The following SLC7A9 variants were observed in gnomAD, a reference collection of about 807,000 sequenced individuals.
The protein encoded by SLC7A9 is solute carrier family 7 member 9, also known as B(0,+)-type amino acid transporter 1.
A neutral mutation model predicts 54.1 loss-of-function variants in SLC7A9; 38 were observed. The ratio of observed to expected loss-of-function variants is 0.70; its 90% confidence interval spans 0.54 to 0.92. SLC7A9 has a LOEUF of 0.92. SLC7A9 is among the 40% of genes least tolerant of loss of function. The probability of loss-of-function intolerance (pLI) is 0.00; values close to 1 mark genes in which losing one functional copy is unlikely to be tolerated. For synonymous variants in SLC7A9, 264 were observed against 258.9 expected (o/e 1.02, Z -0.19); for missense variants, 537 against 636.1 (o/e 0.84, Z 1.68).
intron 9 of SLC7A9, among the ~76,000 whole-genome samples, chr19:32,845,181 TAA>T (rs1568518003): frequency 7.8e-6 from 1 of 128,472 alleles, no homozygotes; most frequent in African/African-American, 3.1e-5. Context: ...TAAAAATAAA[TAA>T]GAGGAGAAGA....
At chr19:32,837,036 C>T (rs372774782) in intron 11 of SLC7A9, among the ~76,000 whole-genome samples, 215 of 151,136 alleles carry the variant, frequency 1.4e-3, no homozygotes, top group African/African-American at 5.1e-3. Context: ...GGAGTAAGCC[C>T]GTTTATTCAT....
intron 9 of SLC7A9, among the ~76,000 whole-genome samples, chr19:32,854,580 A>G (rs1365193828): frequency 1.3e-5 from 2 of 151,936 alleles, no homozygotes; most frequent in Non-Finnish European, 2.9e-5. Context: ...GGTCTGGGCA[A>G]TGATTTTTTG....
rs1245214724 is a variant in SLC7A9 at position 32,847,397 on chromosome 19, C to T, written c.978-3446G>A. Reference sequence around the variant, plus strand: ...AGAACTACGTGAAGAATGCAGAAGCCTCAGGAGCCGATGCGATCAACTGGA... The same window carrying T: ...AGAACTACGTGAAGAATGCAGAAGCTTCAGGAGCCGATGCGATCAACTGGA... On this transcript the variant is annotated intron_variant, in intron 9 of 12. Transcript: ENST00000023064. Among the ~76,000 whole-genome samples the T allele has an allele frequency of 2.0e-5, 3 of 152,226 alleles. No homozygotes were observed. The East Asian group carries it at 5.8e-4, about 29-fold the overall frequency.
chr19:32,833,887 ATG>A (rs1967880772), intron 11 of SLC7A9, among the ~76,000 whole-genome samples: 1 of 152,160 alleles, frequency 6.6e-6, no homozygotes, highest in Non-Finnish European at 1.5e-5. Flanking sequence ...GGTTTGCAAA[ATG>A]GTGATTTTTC....
At chr19:32,854,799 T>C (rs1968569979) in intron 9 of SLC7A9, among the ~76,000 whole-genome samples, 1 of 151,926 alleles carries the variant, frequency 6.6e-6, no homozygotes, top group African/African-American at 2.4e-5. Flanking sequence ...TGTTGGCCAG[T>C]TTGGTCTCGA....
At position 32,841,957 on chromosome 19, in the gene SLC7A9, G is replaced by A. The variant is rs536357318; in HGVS notation, c.1224+211C>T. ...TCTTTGGTTACAGAGACGGGCCACA[G>A]GTATTCGTGATGACTTAATAAAATG... On this transcript the variant is annotated intron_variant, in intron 11 of 12. Transcript: ENST00000023064. Among the ~76,000 whole-genome samples the A allele has an allele frequency of 5.3e-5, 8 of 152,272 alleles. No homozygotes were observed. The South Asian group carries it at 1.7e-3, about 32-fold the overall frequency.
At chr19:32,848,539 C>G (rs1968369397) in intron 9 of SLC7A9, among the ~76,000 whole-genome samples, 2 of 152,090 alleles carry the variant, frequency 1.3e-5, no homozygotes. Flanking sequence ...TAAAGCAAGT[C>G]CTTAGTGACC....
chr19:32,841,252 G>GT (rs965405305), intron 11 of SLC7A9, among the ~76,000 whole-genome samples: 7 of 151,926 alleles, frequency 4.6e-5, no homozygotes, highest in Admixed American at 1.3e-4. Flanking sequence ...TAAATAGCAG[G>GT]TTTTTTTTAA....
intron 2 of SLC7A9, 119 bp downstream of exon 2, chr19:32,868,329 C>A: frequency 1.4e-6 from 1 of 720,280 alleles, no homozygotes; most frequent in South Asian, 1.4e-5. Flanking sequence ...CTTCACAAAT[C>A]AAAGAGTACA....
At chr19:32,858,362 A>T in intron 9 of SLC7A9, 78 bp downstream of exon 9, 1 of 1,001,150 alleles carries the variant, frequency 1.0e-6, no homozygotes, top group Non-Finnish European at 1.6e-6. Flanking sequence ...TGAGGATTTT[A>T]GCTGTGTGTC....
At chr19:32,852,636 T>A (rs1200438656) in intron 9 of SLC7A9, among the ~76,000 whole-genome samples, 1 of 152,198 alleles carries the variant, frequency 6.6e-6, no homozygotes. Context: ...TGAATTGATA[T>A]GAACTTGATA....
rs1399752462 is a variant in SLC7A9, at chr19:32,869,494, G to A, written c.-112+192C>T. 3.9e-5 allele frequency among the ~76,000 whole-genome samples: 6 copies of A among 152,158 alleles called. No homozygotes were observed. In the East Asian group the frequency reaches 1.2e-3, roughly 29 times the overall value. On this transcript the variant is annotated intron_variant, in intron 1 of 12. Transcript: ENST00000023064. ...CCCAAAGGGCTGGGATTTCAGGGGTGAGCCACCACGCCTGGCCAGGTACTT... is the reference window on the plus strand; with the variant it reads ...CCCAAAGGGCTGGGATTTCAGGGGTAAGCCACCACGCCTGGCCAGGTACTT...
intron 12 of SLC7A9, among the ~76,000 whole-genome samples, chr19:32,832,352 C>T (rs1260039055): frequency 2.0e-5 from 3 of 150,260 alleles, no homozygotes; most frequent in African/African-American, 7.4e-5. Flanking sequence ...TTTGGGAGGC[C>T]GAGGTGGGTG....
intron 5 of SLC7A9, 63 bp from the exon 6 acceptor site, chr19:32,862,280 C>T (rs982827231): frequency 3.7e-5 from 54 of 1,462,572 alleles, no homozygotes; most frequent in Middle Eastern, 1.7e-4. Context: ...TGTATCTCCA[C>T]GGGAAAGATG....
rs11084673 is a variant in SLC7A9, at chr19:32,862,558, G to A, written c.507C>T (p.Ser169=). ...ILFISTVNSL[S]VRLGSYVQNI... Reference sequence around the variant, plus strand: ...TCTGGACGTAGCTTCCCAGCCGCACGCTCAGTGAGTTCACTGTCGAGATGA... The same window carrying A: ...TCTGGACGTAGCTTCCCAGCCGCACACTCAGTGAGTTCACTGTCGAGATGA... Residue 169 remains serine (S), a synonymous_variant, in exon 5 of 13, where the codon AGC becomes AGT. Coordinates refer to ENST00000023064, the MANE Select transcript of SLC7A9 (RefSeq NM_014270.5). The A allele has an allele frequency of 0.33, 527,246 of 1,613,458 alleles. 88,141 individuals are homozygous for A. The highest frequency in any genetic ancestry group is 0.36 in the Middle Eastern group (2,118 of 5,934).
chr19:32,863,599 G>A (rs1004521370), intron 4 of SLC7A9, among the ~76,000 whole-genome samples: 32 of 152,088 alleles, frequency 2.1e-4, no homozygotes, highest in African/African-American at 6.7e-4. Flanking sequence ...GGCCTCAAGC[G>A]ATCCTCCCAC....
chr19:32,868,803 GCTCT>G (rs1255851598), intron 1 of SLC7A9, among the ~76,000 whole-genome samples, 158 bp from the exon 2 acceptor site: 1 of 152,146 alleles, frequency 6.6e-6, no homozygotes, highest in Non-Finnish European at 1.5e-5. Flanking sequence ...TGCTTGCTTA[GCTCT>G]CTCCCAGACA....
intron 9 of SLC7A9, among the ~76,000 whole-genome samples, chr19:32,845,063 C>G (rs562892189): frequency 1.3e-5 from 2 of 151,934 alleles, no homozygotes; most frequent in East Asian, 3.9e-4. Context: ...GCTTAGGAGG[C>G]TGAGGCAGGA....
At chr19:32,860,214 T>A in intron 7 of SLC7A9, 1 of 1,450,226 alleles carries the variant, frequency 6.9e-7, no homozygotes. Context: ...GAGCCACTGC[T>A]CTGTCCCAAA....
Sources: gnomAD v4.1 joint callset for allele counts (sites outside exome capture counted in the v4.1 genomes callset) on GRCh38, gnomAD v4.1.1 for gene constraint, MANE v1.5 for transcripts, NCBI Gene and HGNC (gene_info 2026-07-23, HGNC 2026-07-21) for gene names.